Variants in ARHGAP26 observed in about 807,000 individuals in gnomAD.
ARHGAP26 encodes the protein Rho GTPase activating protein 26.
A neutral mutation model predicts 104.8 loss-of-function variants in ARHGAP26; 38 were observed. That is an observed-to-expected ratio of 0.36 (90% CI 0.28 to 0.48). ARHGAP26 has a LOEUF of 0.48. Among genes scored for constraint, ARHGAP26 ranks in the 20% least tolerant of loss-of-function variants. ARHGAP26 has a pLI of 0.99. For synonymous variants in ARHGAP26, 341 were observed against 340.0 expected (o/e 1.00, Z -0.03); for missense variants, 704 against 947.9 (o/e 0.74, Z 3.38).
chr5:142,943,193 A>C (rs2152563747), intron 11 of ARHGAP26, among the ~76,000 whole-genome samples: 1 of 152,352 alleles, frequency 6.6e-6, no homozygotes, highest in South Asian at 2.1e-4. Context: ...TATTTGCCAA[A>C]TCTTTAGATA....
intron 20 of ARHGAP26, among the ~76,000 whole-genome samples, chr5:143,178,268 G>A (rs890831542): frequency 1.3e-5 from 2 of 152,070 alleles, no homozygotes; most frequent in Non-Finnish European, 2.9e-5. Flanking sequence ...CCAAAGTGCT[G>A]AGATTACAGG....
intron 20 of ARHGAP26, among the ~76,000 whole-genome samples, chr5:143,204,016 ATGT>A (rs1808183069): frequency 6.6e-6 from 1 of 151,982 alleles, no homozygotes; most frequent in Non-Finnish European, 1.5e-5. Context: ...GTGTATATCT[ATGT>A]AACAAACCTG....
At chr5:142,887,839 C>T (rs1289136558) in intron 5 of ARHGAP26, among the ~76,000 whole-genome samples, 1 of 152,138 alleles carries the variant, frequency 6.6e-6, no homozygotes, top group Non-Finnish European at 1.5e-5. Context: ...GTGGTGGGTG[C>T]CTGTAGTCCC....
rs908354114 is a variant in ARHGAP26 at position 143,168,547 on chromosome 5, A to G, written c.1988+21166A>G. ...CACACAAGATCTTACGACATTCTGC[A>G]TCATCCTCTTTGCTTTGAGTTTTAT... On this transcript the variant is annotated intron_variant, in intron 20 of 22. Coordinates refer to ENST00000645722, the MANE Select transcript of ARHGAP26 (RefSeq NM_001135608.3). 2.1e-5 allele frequency: 3 copies of G among 140,594 alleles called. No homozygotes were observed. The Admixed American group carries it at 2.5e-4, about 12-fold the overall frequency. The allele number at this position is 140,594 out of a possible 1,614,324, so 8.7% of individuals were successfully genotyped here.
At chr5:143,147,207 G>T in intron 19 of ARHGAP26, 24 bp from the exon 20 acceptor site, 1 of 1,610,808 alleles carries the variant, frequency 6.2e-7, no homozygotes, top group Non-Finnish European at 8.5e-7. Context: ...TATTAATATG[G>T]GACTTGTGGC....
At chr5:143,027,687 A>T (rs908586433) in intron 12 of ARHGAP26, among the ~76,000 whole-genome samples, 2 of 152,250 alleles carry the variant, frequency 1.3e-5, no homozygotes, top group African/African-American at 4.8e-5. Flanking sequence ...CCCATATGCC[A>T]AAGTGGAACA....
intron 11 of ARHGAP26, among the ~76,000 whole-genome samples, chr5:142,963,868 T>G (rs1770819039): frequency 6.6e-6 from 1 of 152,244 alleles, no homozygotes; most frequent in Non-Finnish European, 1.5e-5. Context: ...CAATATTTTT[T>G]ATAGATCATC....
At chr5:143,213,116 G>A (rs1247964937) in intron 21 of ARHGAP26, among the ~76,000 whole-genome samples, 1 of 152,338 alleles carries the variant, frequency 6.6e-6, no homozygotes, top group South Asian at 2.1e-4. Context: ...CTGCACTCCA[G>A]CCTGGGCGAC....
intron 1 of ARHGAP26, chr5:142,772,761 C>A: frequency 1.9e-6 from 1 of 533,454 alleles, no homozygotes; most frequent in Non-Finnish European, 3.8e-6. Context: ...TTGACTTCTG[C>A]CCCATCTCAC....
intron 11 of ARHGAP26, among the ~76,000 whole-genome samples, chr5:142,957,333 TAC>T (rs1453504907): frequency 5.3e-5 from 8 of 152,218 alleles, no homozygotes; most frequent in African/African-American, 1.9e-4. Flanking sequence ...TGTGATTTCG[TAC>T]ACAGTTGAAA....
chr5:142,828,458 A>G (rs1767736686), intron 1 of ARHGAP26, among the ~76,000 whole-genome samples: 2 of 152,318 alleles, frequency 1.3e-5, no homozygotes, highest in Non-Finnish European at 2.9e-5. Flanking sequence ...TTCCTGGTCA[A>G]TTCTAAAATG....
At chr5:142,991,610 T>C (rs1013843525) in intron 11 of ARHGAP26, among the ~76,000 whole-genome samples, 1 of 152,228 alleles carries the variant, frequency 6.6e-6, no homozygotes, top group Non-Finnish European at 1.5e-5. Context: ...TTTTTATCTT[T>C]ATACCATATT....
rs1598743957 is a variant in ARHGAP26 at position 143,037,137 on chromosome 5, C to T, written c.1145-59C>T. On this transcript the variant is annotated intron_variant, in intron 12 of 22. Transcript: ENST00000645722. ...TGATTCATCCTGGTTTGGTTAAGCC[C>T]TATCCTGAGGTTGATTTCCATGGCT... is the stretch of plus-strand genomic sequence containing the variant. 8 of 1,455,732 alleles carry T rather than the reference C, an allele frequency of 5.5e-6. No individual in the cohort carries two copies. The East Asian group carries it at 9.3e-5, about 17-fold the overall frequency. The allele number at this position is 1,455,732 out of a possible 1,614,324, so 90.2% of individuals were successfully genotyped here. A position where few individuals can be genotyped will look rare whatever the true frequency, so the allele number is the denominator to read the frequency against.
At chr5:143,141,153 A>G (rs1798477464) in intron 19 of ARHGAP26, among the ~76,000 whole-genome samples, 1 of 152,238 alleles carries the variant, frequency 6.6e-6, no homozygotes, top group Non-Finnish European at 1.5e-5. Context: ...AACTATGTGT[A>G]ATTACTACAC....
intron 18 of ARHGAP26, among the ~76,000 whole-genome samples, chr5:143,133,059 C>T (rs1797540030): frequency 6.6e-6 from 1 of 152,050 alleles, no homozygotes; most frequent in Admixed American, 6.6e-5. Flanking sequence ...TAAGTGGTGG[C>T]TACTATAATC....
At chr5:142,998,816 T>C (rs1416180499) in intron 11 of ARHGAP26, among the ~76,000 whole-genome samples, 3 of 152,174 alleles carry the variant, frequency 2.0e-5, no homozygotes, top group Admixed American at 6.5e-5. Context: ...GAATATGGCC[T>C]GTGCAACACG....
At chr5:142,890,147 AAAAAATATATATATATATATATAT>A (rs1434318677) in intron 5 of ARHGAP26, among the ~76,000 whole-genome samples, 29 of 78,578 alleles carry the variant, frequency 3.7e-4, no homozygotes, top group African/African-American at 1.7e-3. Context: ...AAAAAAAAAA[AAAAAATATATATATATATATATAT>A]ATATATATAT....
intron 1 of ARHGAP26, among the ~76,000 whole-genome samples, chr5:142,780,793 G>A (rs1757333584): frequency 1.3e-5 from 2 of 152,162 alleles, no homozygotes; most frequent in African/African-American, 4.8e-5. Context: ...ACCGGAGACC[G>A]TGACTCTGGT....
chr5:143,064,260 GC>G (rs1562356747), intron 17 of ARHGAP26, among the ~76,000 whole-genome samples: 2 of 151,936 alleles, frequency 1.3e-5, no homozygotes, highest in Non-Finnish European at 2.9e-5. Context: ...TCTCCTACCT[GC>G]CTGGCCGTGT....
Sources: gnomAD v4.1 joint callset for allele counts (sites outside exome capture counted in the v4.1 genomes callset) on GRCh38, gnomAD v4.1.1 for gene constraint, MANE v1.5 for transcripts, NCBI Gene and HGNC (gene_info 2026-07-23, HGNC 2026-07-21) for gene names.